The following BFSP2 variants were observed in gnomAD, a reference collection of about 807,000 sequenced individuals.
The protein encoded by BFSP2 is phakinin.
A neutral mutation model predicts 44.9 loss-of-function variants in BFSP2; 38 were observed. The ratio of observed to expected loss-of-function variants is 0.85; its 90% CI spans 0.65 to 1.11. The LOEUF is 1.11. Among genes scored for constraint, BFSP2 ranks in the 50% least tolerant of loss-of-function variants. The probability of loss-of-function intolerance (pLI) is 0.00; values close to 1 mark genes in which losing one functional copy is unlikely to be tolerated. For synonymous variants in BFSP2, 197 were observed against 209.9 expected (o/e 0.94, Z 0.53); for missense variants, 525 against 533.0 (o/e 0.99, Z 0.15).
At chr3:133,430,765 C>A (rs1263888904) in intron 1 of BFSP2, among the ~76,000 whole-genome samples, 94 of 152,180 alleles carry the variant, frequency 6.2e-4, no homozygotes, top group Non-Finnish European at 1.6e-4. Flanking sequence ...GTCGCTGAGT[C>A]TTTCTAATCT....
intron 1 of BFSP2, among the ~76,000 whole-genome samples, chr3:133,404,656 A>G (rs1003159307): frequency 1.3e-5 from 2 of 152,254 alleles, no homozygotes; most frequent in African/African-American, 4.8e-5. Flanking sequence ...AAAAATTACC[A>G]TAACAAGTTG....
intron 1 of BFSP2, among the ~76,000 whole-genome samples, chr3:133,422,524 A>T (rs1465659841): frequency 6.6e-6 from 1 of 152,034 alleles, no homozygotes; most frequent in African/African-American, 2.4e-5. Context: ...GAATGTTCTG[A>T]TCTCCCAAGC....
intron 1 of BFSP2, among the ~76,000 whole-genome samples, chr3:133,414,951 C>T (rs1202805305): frequency 8.4e-5 from 11 of 130,730 alleles, no homozygotes; most frequent in East Asian, 2.4e-4. Flanking sequence ...ACTCACCCTG[C>T]CATCTCCCCT....
chr3:133,469,243 AGCACAGATTG>A (rs1164043528), intron 5 of BFSP2, among the ~76,000 whole-genome samples: 1 of 152,242 alleles, frequency 6.6e-6, no homozygotes, highest in East Asian at 1.9e-4. Flanking sequence ...CAAGGTGAGG[AGCACAGATTG>A]GGACAAAATA....
chr3:133,401,011 A>G (rs1362143339), intron 1 of BFSP2, among the ~76,000 whole-genome samples: 1 of 152,198 alleles, frequency 6.6e-6, no homozygotes, highest in East Asian at 1.9e-4. Context: ...CTATTATCCA[A>G]TCAAATACCA....
Position 133,472,485 on chromosome 3 carries a change from C to T in BFSP2, c.1164C>T (p.Arg388=), listed in dbSNP as rs777239695. ...AGGCGGAGCAGCAGCAACAGGAGCG[C>T]GCGCATCTGCTGGCCCGCAAGTGCC... ...RAEAEQQQQE[R]AHLLARKCQL... is the part of the protein sequence containing the mutation. The change falls in exon 6 of 7, where the codon CGC becomes CGT. Residue 388 remains arginine (R), a synonymous_variant. Transcript: ENST00000302334. 1 of 1,613,622 alleles carries T rather than the reference C, an allele frequency of 6.2e-7. No homozygotes were observed. Among genetic ancestry groups the T allele is most frequent in the Non-Finnish European group, 8.5e-7 (1 of 1,180,014 alleles).
intron 4 of BFSP2, among the ~76,000 whole-genome samples, chr3:133,456,403 G>C (rs532930204): frequency 6.6e-6 from 1 of 152,302 alleles, no homozygotes; most frequent in South Asian, 2.1e-4. Context: ...ATATCGCAAT[G>C]ATGGGCATAT....
chr3:133,468,790 G>T (rs2074135280), intron 5 of BFSP2, among the ~76,000 whole-genome samples: 1 of 152,314 alleles, frequency 6.6e-6, no homozygotes, highest in Non-Finnish European at 1.5e-5. Flanking sequence ...TGAGACAATG[G>T]CAAGGTCACA....
At chr3:133,428,805 C>T (rs9853339) in intron 1 of BFSP2, among the ~76,000 whole-genome samples, 3,714 of 152,318 alleles carry the variant, frequency 0.024, 66 homozygotes, top group Non-Finnish European at 0.032. Context: ...TCCATACCGC[C>T]TGCCCTCGCT....
Position 133,434,601 on chromosome 3 carries a change from C to CT in BFSP2, c.490-12715dup, listed in dbSNP as rs1381383945. ...ACTTGCATGTATATGCCCAGATGGCCTGAAGTAACTGAAGAATCACAAAAG... is the reference window on the plus strand; with the variant it reads ...ACTTGCATGTATATGCCCAGATGGCCTTGAAGTAACTGAAGAATCACAAAAG... On this transcript the variant is annotated intron_variant, in intron 1 of 6. Coordinates refer to ENST00000302334, the MANE Select transcript of BFSP2 (RefSeq NM_003571.4). Among the ~76,000 whole-genome samples, 5 of 152,316 alleles carry CT rather than the reference C, an allele frequency of 3.3e-5. No individual in the cohort carries two copies. In the East Asian group the frequency reaches 9.6e-4, roughly 29 times the overall value.
In BFSP2 at chr3:133,446,570, TTATATATATATATATATA is replaced by T. The variant is rs1168844039; in HGVS notation, c.490-694_490-677del. Among the ~76,000 whole-genome samples, 11 of 22,380 alleles carry T rather than the reference TTATATATATATATATATA, an allele frequency of 4.9e-4. 1 individual carries two copies. Among genetic ancestry groups the T allele is most frequent in the Admixed American group, 1.4e-3 (2 of 1,462 alleles). 14.7% of individuals were successfully genotyped at this position (22,380 alleles called of 152,430 possible). On this transcript the variant is annotated intron_variant, in intron 1 of 6. Transcript: ENST00000302334. Reference sequence around the variant, plus strand: ...CCTATCAGAGCCTTCAGCTCACCATTTATATATATATATATATATATATATATATATATATATATATAT... The same window carrying T: ...CCTATCAGAGCCTTCAGCTCACCATTTATATATATATATATATATATATAT...
chr3:133,410,797 C>A, intron 1 of BFSP2: 1 of 199,354 alleles, frequency 5.0e-6, no homozygotes. Flanking sequence ...AGCAGCAAAG[C>A]ACATCTCGCC....
intron 1 of BFSP2, among the ~76,000 whole-genome samples, chr3:133,423,407 C>T (rs1276193731): frequency 6.6e-6 from 1 of 152,162 alleles, no homozygotes; most frequent in Non-Finnish European, 1.5e-5. Flanking sequence ...AGTGCTTGCC[C>T]ATGGTAAGCA....
chr3:133,441,042 T>A (rs2107916102), intron 1 of BFSP2, among the ~76,000 whole-genome samples: 1 of 146,380 alleles, frequency 6.8e-6, no homozygotes, highest in East Asian at 2.0e-4. Flanking sequence ...ATGCAATCTT[T>A]TTTTTTTTTT....
At chr3:133,433,617 G>A (rs1464974272) in intron 1 of BFSP2, among the ~76,000 whole-genome samples, 4 of 152,152 alleles carry the variant, frequency 2.6e-5, no homozygotes, top group Admixed American at 1.3e-4. Flanking sequence ...GAAGGCCACC[G>A]CAGTCATTTC....
chr3:133,425,784 G>GGAA (rs1559964118), intron 1 of BFSP2, among the ~76,000 whole-genome samples: 80 of 13,234 alleles, frequency 6.0e-3, no homozygotes, highest in African/African-American at 0.013. Context: ...AAAGGGAAAG[G>GGAA]GAAGGGAAGG....
At chr3:133,450,939 G>A (rs1437625952) in intron 4 of BFSP2, among the ~76,000 whole-genome samples, 2 of 151,972 alleles carry the variant, frequency 1.3e-5, no homozygotes, top group South Asian at 2.1e-4. Flanking sequence ...GTGAAACACT[G>A]TCTCTACTAA....
At chr3:133,470,038 G>C (rs1339285529) in intron 5 of BFSP2, among the ~76,000 whole-genome samples, 1 of 152,206 alleles carries the variant, frequency 6.6e-6, no homozygotes, top group Non-Finnish European at 1.5e-5. Flanking sequence ...TAAACAAAGA[G>C]AGAAAACCCA....
intron 1 of BFSP2, among the ~76,000 whole-genome samples, chr3:133,427,099 G>A (rs1231987622): frequency 6.6e-6 from 1 of 152,204 alleles, no homozygotes; most frequent in Non-Finnish European, 1.5e-5. Flanking sequence ...TCTCATCATG[G>A]TTCAACCAAA....
Sources: gnomAD v4.1 joint callset for allele counts (sites outside exome capture counted in the v4.1 genomes callset) on GRCh38, gnomAD v4.1.1 for gene constraint, MANE v1.5 for transcripts, NCBI Gene and HGNC (gene_info 2026-07-23, HGNC 2026-07-21) for gene names.